Variants in IPCEF1 observed in about 807,000 individuals in gnomAD.
IPCEF1 encodes the protein interaction protein for cytohesin exchange factors 1, also known as interactor protein for cytohesin exchange factors 1.
Under a neutral mutation model 50.9 loss-of-function variants are expected in IPCEF1, and 31 were observed. The ratio of observed to expected loss-of-function variants is 0.61; its 90% CI spans 0.46 to 0.82. The LOEUF is 0.82. Ranked by LOEUF, IPCEF1 falls within the 40% of genes least tolerant of loss-of-function variation. The pLI is 0.00. For synonymous variants in IPCEF1, 181 were observed against 192.0 expected (o/e 0.94, Z 0.47); for missense variants, 458 against 514.0 (o/e 0.89, Z 1.05).
intron 3 of IPCEF1, among the ~76,000 whole-genome samples, chr6:154,254,016 A>G (rs1364772090): frequency 6.6e-6 from 1 of 152,148 alleles, no homozygotes; most frequent in Admixed American, 6.5e-5. Flanking sequence ...CTTTACTTGT[A>G]TCGCCTTGTT....
chr6:154,312,404 T>C (rs1783100094), intron 1 of IPCEF1, among the ~76,000 whole-genome samples: 4 of 152,082 alleles, frequency 2.6e-5, no homozygotes, highest in Admixed American at 2.0e-4. Flanking sequence ...TGGAGTGCAG[T>C]GTCACGATCT....
chr6:154,342,754 G>A (rs118156937), intron 1 of IPCEF1, among the ~76,000 whole-genome samples: 123 of 152,246 alleles, frequency 8.1e-4, no homozygotes, highest in Non-Finnish European at 1.5e-3. Context: ...GAGCCACTGC[G>A]TCTAGCCTCC....
intron 1 of IPCEF1, among the ~76,000 whole-genome samples, chr6:154,308,200 A>G (rs986346020): frequency 1.3e-5 from 2 of 152,158 alleles, no homozygotes; most frequent in Admixed American, 6.5e-5. Context: ...CTGCAGCCTC[A>G]AGCTCCCAGG....
intron 9 of IPCEF1, among the ~76,000 whole-genome samples, chr6:154,206,177 T>C (rs927521049): frequency 2.0e-5 from 3 of 152,196 alleles, no homozygotes; most frequent in African/African-American, 7.2e-5. Context: ...CCATAAAGAA[T>C]ATTCTTCATG....
chr6:154,218,245 G>A (rs1169104013), intron 7 of IPCEF1, among the ~76,000 whole-genome samples: 4 of 152,166 alleles, frequency 2.6e-5, no homozygotes, highest in Non-Finnish European at 5.9e-5. Flanking sequence ...AGGAGAACAA[G>A]TTTTAAGAAA....
intron 2 of IPCEF1, among the ~76,000 whole-genome samples, chr6:154,278,915 G>T (rs1021814769): frequency 6.9e-6 from 1 of 145,538 alleles, no homozygotes; most frequent in Non-Finnish European, 1.5e-5. Context: ...AGGAGTTTGA[G>T]ACCAGCCTGG....
chr6:154,263,240 T>TTTTA (rs1554299913), intron 3 of IPCEF1, among the ~76,000 whole-genome samples: 1 of 150,790 alleles, frequency 6.6e-6, no homozygotes, highest in Non-Finnish European at 1.5e-5. Flanking sequence ...CTTTTTTTTT[T>TTTTA]AAATTTATTT....
intron 10 of IPCEF1, among the ~76,000 whole-genome samples, chr6:154,195,146 TC>T (rs1199443388): frequency 1.5e-5 from 2 of 131,494 alleles, no homozygotes; most frequent in Admixed American, 7.5e-5. Flanking sequence ...TTCTTTTCTT[TC>T]TTTTTTTTTT....
chr6:154,342,405 AAT>A (rs1170780684), intron 1 of IPCEF1, among the ~76,000 whole-genome samples: 1 of 152,160 alleles, frequency 6.6e-6, no homozygotes, highest in African/African-American at 2.4e-5. Flanking sequence ...GTCTCACAAG[AAT>A]GTAACCATTC....
chr6:154,344,052 T>G (rs905241093), intron 1 of IPCEF1, among the ~76,000 whole-genome samples: 1 of 152,200 alleles, frequency 6.6e-6, no homozygotes, highest in African/African-American at 2.4e-5. Context: ...ACCAATCCCC[T>G]GAGCCCTATG....
rs138559174 is a variant in IPCEF1, at chr6:154,167,467, C to T, written c.1104+453G>A. Among the ~76,000 whole-genome samples, 289 of 152,302 alleles carry T rather than the reference C, an allele frequency of 1.9e-3. 1 individual carries two copies. Among genetic ancestry groups the T allele is most frequent in the African/African-American group, 6.6e-3 (273 of 41,568 alleles). ...ATCTTTGCTGCAGCTGAAATCAAGA[C>T]ATTTCCTTCTGGATGCAGTCCTGAA... On this transcript the variant is annotated intron_variant, in intron 11 of 11. Transcript: ENST00000367220.
intron 2 of IPCEF1, among the ~76,000 whole-genome samples, chr6:154,284,772 C>A (rs1052320144): frequency 2.2e-4 from 33 of 152,070 alleles, no homozygotes; most frequent in East Asian, 1.9e-4. Flanking sequence ...GAGGCCGAGG[C>A]GGGTGGACCA....
In IPCEF1 at chr6:154,168,090, C is replaced by A; in HGVS notation, c.934G>T (p.Asp312Tyr). The change falls in exon 11 of 12, where the codon GAT becomes TAT. Residue 312 changes from aspartate (D) to tyrosine (Y), a missense_variant. By Grantham distance (160) the Asp-to-Tyr change is radical. Coordinates refer to ENST00000367220, the MANE Select transcript of IPCEF1 (RefSeq NM_001130700.2). The surrounding 1 kb of genome is among the most constrained non-coding windows in gnomAD (Gnocchi z 4.1). ...DKEETKVSED[D>Y]EMEKLYKSLE... ...GATTTGTACAGCTTCTCCATTTCAT[C>A]ATCTTCAGACACTTTTGTCTCTTCT... The A allele has an allele frequency of 6.4e-7, 1 of 1,553,140 alleles. No homozygotes were observed. The highest frequency in any genetic ancestry group is 2.3e-5 in the East Asian group (1 of 43,940).
Position 154,196,418 on chromosome 6 carries a change from AT to A in IPCEF1, c.910+3249del, listed in dbSNP as rs923959640. ...CCTGCCTCTTCTTTAACAATGTTTT[AT>A]TTTTTTTAATTAAGCTTGTTATCTA... On this transcript the variant is annotated intron_variant, in intron 10 of 11. Transcript: ENST00000367220. 6.6e-3 allele frequency among the ~76,000 whole-genome samples: 1,006 copies of A among 151,602 alleles called. 4 individuals carry two copies. The highest frequency in any genetic ancestry group is 0.021 in the African/African-American group (884 of 41,152).
intron 10 of IPCEF1, among the ~76,000 whole-genome samples, chr6:154,175,986 G>T (rs574986311): frequency 5.9e-5 from 9 of 152,240 alleles, no homozygotes; most frequent in African/African-American, 1.4e-4. Flanking sequence ...AATCAAGTCG[G>T]CTTCATCCCT....
At chr6:154,310,804 C>T (rs374933097) in intron 1 of IPCEF1, among the ~76,000 whole-genome samples, 1 of 151,594 alleles carries the variant, frequency 6.6e-6, no homozygotes, top group Admixed American at 6.6e-5. Context: ...AAAACTTAAT[C>T]TCATAGAAAA....
In IPCEF1 at chr6:154,202,263, T is replaced by G. The variant is rs544228741; in HGVS notation, c.538-2223A>C. On this transcript the variant is annotated intron_variant, in intron 9 of 11. Transcript: ENST00000367220. ...TGGCACGTACATAAAAAAAATCCAT[T>G]CAGGAATATGTCAAGTACCTTGTAA... 3.9e-5 allele frequency among the ~76,000 whole-genome samples: 6 copies of G among 152,270 alleles called. No individual in the cohort carries two copies. In the South Asian group the frequency reaches 8.3e-4, roughly 21 times the overall value.
chr6:154,199,316 CT>C (rs1393976113), intron 10 of IPCEF1, among the ~76,000 whole-genome samples: 1 of 152,226 alleles, frequency 6.6e-6, no homozygotes, highest in African/African-American at 2.4e-5. Flanking sequence ...GAATACCAGA[CT>C]ACAAAATCCT....
intron 2 of IPCEF1, among the ~76,000 whole-genome samples, chr6:154,282,926 G>A (rs1782259989): frequency 6.6e-6 from 1 of 152,124 alleles, no homozygotes; most frequent in African/African-American, 2.4e-5. Flanking sequence ...CAAAACAGCA[G>A]GAAGCAGAGC....
Sources: allele counts gnomAD v4.1 joint callset (sites outside exome capture counted in the v4.1 genomes callset), GRCh38; gene constraint gnomAD v4.1.1; non-coding constraint Gnocchi (gnomAD v3.1); transcripts MANE v1.5; gene names NCBI Gene and HGNC (gene_info 2026-07-23, HGNC 2026-07-21).